The following ANKRD42 variants were observed in gnomAD, a reference collection of about 807,000 sequenced individuals.
ANKRD42 encodes the protein ankyrin repeat domain 42.
Under a neutral mutation model 51.5 loss-of-function variants are expected in ANKRD42, and 43 were observed. The ratio of observed to expected loss-of-function variants is 0.83; its 90% CI spans 0.65 to 1.08. The LOEUF (loss-of-function observed/expected upper bound fraction) is 1.08. Ranked by LOEUF, ANKRD42 falls within the 50% of genes least tolerant of loss-of-function variation. The pLI is 0.00. For synonymous variants in ANKRD42, 203 were observed against 213.0 expected (o/e 0.95, Z 0.41); for missense variants, 608 against 629.3 (o/e 0.97, Z 0.36).
chr11:83,238,778 C>A (rs1439233185), intron 8 of ANKRD42, among the ~76,000 whole-genome samples: 1 of 150,984 alleles, frequency 6.6e-6, no homozygotes. Flanking sequence ...TGCTGTGAGC[C>A]GAGATTGTAC....
chr11:83,210,377 T>A lies in ANKRD42; in HGVS notation c.408T>A (p.His136Gln). 6.2e-7 allele frequency: 1 copy of A among 1,614,082 alleles called. No homozygotes were observed. The highest frequency in any genetic ancestry group is 8.5e-7 in the Non-Finnish European group (1 of 1,179,936). The part of the protein sequence containing the change: ...GCTPLHLAAT[H>Q]GHSFTLQIML... ...CTCCTTTACATCTTGCTGCAACTCATGGACATTCTTTCACTTTACAAATAA... is the reference window on the plus strand; with the variant it reads ...CTCCTTTACATCTTGCTGCAACTCAAGGACATTCTTTCACTTTACAAATAA... Residue 136 changes from histidine (H) to glutamine (Q), a missense_variant, in exon 4 of 11, where the codon CAT (histidine) becomes CAA (glutamine). His to Gln is a conservative substitution (Grantham distance 24). Coordinates refer to ENST00000533342, the MANE Select transcript of ANKRD42 (RefSeq NM_001300975.2).
chr11:83,194,335 TGGGA>T lies in ANKRD42; in HGVS notation c.-326_-323del, dbSNP rs754310180. 4.4e-5 allele frequency: 24 copies of T among 546,036 alleles called. No homozygotes were observed. Among genetic ancestry groups the T allele is most frequent in the Admixed American group, 8.9e-5 (4 of 45,160 alleles). The allele number at this position is 546,036 out of a possible 1,614,324, so 33.8% of individuals were successfully genotyped here. On this transcript the variant is annotated 5_prime_UTR_variant, in exon 1 of 11. Coordinates refer to ENST00000533342, the MANE Select transcript of ANKRD42 (RefSeq NM_001300975.2). ...TCGCAGTCGCCGCTTCAGTGGCTCC[TGGGA>T]GGGAGGGAGTGTCGAAGGCGGCCAC... is the stretch of plus-strand genomic sequence containing the variant.
rs573093104 is a variant in ANKRD42 at position 83,195,845 on chromosome 11, C to CT, written c.58+1133dup. On this transcript the variant is annotated intron_variant, in intron 1 of 10. Transcript: ENST00000533342. Reference sequence around the variant, plus strand: ...TGATCTACCTACTCTCTCTCTCTCTCTTTTTTTTTTTTTTTTGGAGACGGA... The same window carrying CT: ...TGATCTACCTACTCTCTCTCTCTCTCTTTTTTTTTTTTTTTTTGGAGACGGA... 9.4e-3 allele frequency among the ~76,000 whole-genome samples: 1,295 copies of CT among 138,390 alleles called. 21 individuals are homozygous for CT. The highest frequency in any genetic ancestry group is 0.02 in the South Asian group (88 of 4,396). 90.8% of individuals were successfully genotyped at this position (138,390 alleles called of 152,430 possible).
intron 2 of ANKRD42, among the ~76,000 whole-genome samples, chr11:83,205,008 A>G (rs1862015262): frequency 6.6e-6 from 1 of 152,250 alleles, no homozygotes. Context: ...AAATGGCAAT[A>G]CAAAGTGTTT....
chr11:83,223,798 T>A (rs980928823), intron 5 of ANKRD42, among the ~76,000 whole-genome samples: 1 of 152,226 alleles, frequency 6.6e-6, no homozygotes, highest in Non-Finnish European at 1.5e-5. Flanking sequence ...ACCTGAATTA[T>A]ACTGGCCACT....
intron 3 of ANKRD42, among the ~76,000 whole-genome samples, chr11:83,207,042 C>G (rs1590968192): frequency 6.6e-6 from 1 of 152,250 alleles, no homozygotes; most frequent in African/African-American, 2.4e-5. Flanking sequence ...CTCACAGTTC[C>G]ACATGGCTGG....
At chr11:83,209,437 C>T (rs1184268530) in intron 3 of ANKRD42, 34 of 1,590,424 alleles carry the variant, frequency 2.1e-5, no homozygotes, top group African/African-American at 2.7e-5. Context: ...ACAAATACGA[C>T]GACGAGGAGT....
rs1280821076 is a variant in ANKRD42 at position 83,207,294 on chromosome 11, A to C, written c.330+1129A>C. 2.0e-5 allele frequency among the ~76,000 whole-genome samples: 3 copies of C among 152,216 alleles called. No individual in the cohort carries two copies. The East Asian group carries it at 5.8e-4, about 29-fold the overall frequency. ...GATTATGGGAACTACAATTCAAATG[A>C]GATTTGAGGGGGAACACAGCCAATG... is the stretch of plus-strand genomic sequence containing the variant. On this transcript the variant is annotated intron_variant, in intron 3 of 10. Coordinates refer to ENST00000533342, the MANE Select transcript of ANKRD42 (RefSeq NM_001300975.2).
intron 11 of ANKRD42, among the ~76,000 whole-genome samples, chr11:83,255,192 TAGA>T (rs1156674359): frequency 9.2e-5 from 14 of 152,220 alleles, no homozygotes; most frequent in African/African-American, 3.4e-4. Flanking sequence ...CATGTTTGAT[TAGA>T]AGAATTACTC....
chr11:83,209,063 G>A (rs941424785), intron 3 of ANKRD42, among the ~76,000 whole-genome samples: 1 of 152,134 alleles, frequency 6.6e-6, no homozygotes, highest in African/African-American at 2.4e-5. Flanking sequence ...ACTTGATTTG[G>A]AGCTTAGAAC....
In ANKRD42 at chr11:83,245,480, C is replaced by G. The variant is rs1028114842; in HGVS notation, c.1196-18C>G. ...TGTTATATGTCTAACTAGGTTCCTA[C>G]TCAACTCTGTCTTGCAGTGAGAGCT... On this transcript the variant is annotated intron_variant, in intron 9 of 10. Transcript: ENST00000533342. 1 of 1,534,736 alleles carries G rather than the reference C, an allele frequency of 6.5e-7. No individual in the cohort carries two copies.
chr11:83,195,291 G>A (rs527518144), intron 1 of ANKRD42, among the ~76,000 whole-genome samples: 1 of 152,244 alleles, frequency 6.6e-6, no homozygotes, highest in South Asian at 2.1e-4. Flanking sequence ...CCGTCTTAAG[G>A]AACTTAAGAA....
At chr11:83,214,989 T>C (rs1256048244) in intron 5 of ANKRD42, 2 of 152,214 alleles carry the variant, frequency 1.3e-5, no homozygotes, top group Admixed American at 1.3e-4. Flanking sequence ...ATATTTGTCT[T>C]TCTGTGCTTG....
chr11:83,205,942 A>G, intron 2 of ANKRD42, 116 bp from the exon 3 acceptor site: 3 of 805,000 alleles, frequency 3.7e-6, no homozygotes, highest in Non-Finnish European at 5.9e-6. Flanking sequence ...TGTTTTTCTT[A>G]TACATGGATC....
Position 83,194,685 on chromosome 11 carries a change from C to G in ANKRD42, c.15C>G (p.Ala5=). The G allele has an allele frequency of 6.2e-7, 1 of 1,613,316 alleles. No homozygotes were observed. The highest frequency in any genetic ancestry group is 8.5e-7 in the Non-Finnish European group (1 of 1,179,680). The part of the protein sequence containing the change: MPGV[A]NSGPSTSSRE... ...GGTGTTGCGCCATGCCCGGGGTGGC[C>G]AATTCAGGCCCCTCCACTTCCTCTA... Residue 5 remains alanine, a synonymous_variant, in exon 1 of 11, where the codon GCC becomes GCG. Coordinates refer to ENST00000533342, the MANE Select transcript of ANKRD42 (RefSeq NM_001300975.2).
chr11:83,236,550 A>G (rs1863231347), intron 8 of ANKRD42, 41 bp downstream of exon 8: 1 of 1,510,070 alleles, frequency 6.6e-7, no homozygotes, highest in Non-Finnish European at 9.0e-7. Context: ...TTTTCTCTTT[A>G]AAGTTTTGCG....
rs1863616298 is a variant in ANKRD42 at position 83,248,732 on chromosome 11, A to G, written c.*528A>G. 1.0e-6 allele frequency: 1 copy of G among 975,962 alleles called. No individual in the cohort carries two copies. The highest frequency in any genetic ancestry group is 6.2e-5 in the Admixed American group (1 of 16,258). The allele number at this position is 975,962 out of a possible 1,614,324, so 60.5% of individuals were successfully genotyped here. A position where few individuals can be genotyped will look rare whatever the true frequency, so the allele number is the denominator to read the frequency against. ...TTTAAAAATATTAAAATAATAAAAC[A>G]TGTTTGTTGTATAGTGTTAAAAACA... On this transcript the variant is annotated 3_prime_UTR_variant, in exon 11 of 11. Coordinates refer to ENST00000533342, the MANE Select transcript of ANKRD42 (RefSeq NM_001300975.2).
rs1330027853 is a variant in ANKRD42, at chr11:83,198,656, C to A, written c.222+14C>A. On this transcript the variant is annotated intron_variant, in intron 2 of 10. Transcript: ENST00000533342. ...GGAAGTTTGGAGGTAAGAAACTATA[C>A]ATATCACTAAACTGAGGTAAGTTTT... The A allele has an allele frequency of 2.3e-5, 36 of 1,560,620 alleles. No individual in the cohort carries two copies. Among genetic ancestry groups the A allele is most frequent in the Non-Finnish European group, 2.5e-5 (29 of 1,151,920 alleles).
chr11:83,221,059 A>G (rs1374628396), intron 5 of ANKRD42, among the ~76,000 whole-genome samples: 1 of 151,852 alleles, frequency 6.6e-6, no homozygotes, highest in Non-Finnish European at 1.5e-5. Context: ...TATTTCTTGT[A>G]GGTGATTTTC....
Sources: allele counts gnomAD v4.1 joint callset (sites outside exome capture counted in the v4.1 genomes callset), GRCh38; gene constraint gnomAD v4.1.1; transcripts MANE v1.5; gene names NCBI Gene and HGNC (gene_info 2026-07-23, HGNC 2026-07-21).